TPR: variants seen among roughly 807,000 people sequenced by gnomAD.
TPR encodes translocated promoter region, nuclear basket protein.
Under a neutral mutation model 316.1 loss-of-function variants are expected in TPR, and 51 were observed. That is an observed-to-expected ratio of 0.16 (90% CI 0.13 to 0.20). TPR has a LOEUF of 0.20. Among genes scored for constraint, TPR ranks in the 10% least tolerant of loss-of-function variants. The pLI, the probability that TPR is intolerant of heterozygous loss-of-function variation, is 1.00. For synonymous variants in TPR, 981 were observed against 914.7 expected (o/e 1.07, Z -1.31); for missense variants, 2,272 against 2,754.8 (o/e 0.82, Z 3.92).
At chr1:186,346,666 T>A (rs950448088) in intron 22 of TPR, among the ~76,000 whole-genome samples, 28 of 152,162 alleles carry the variant, frequency 1.8e-4, no homozygotes, top group African/African-American at 6.8e-4. Context: ...ATTGAAGCCC[T>A]AGACTATTGC....
rs1219374676 is a variant in TPR at position 186,361,629 on chromosome 1, A to T, written c.951T>A (p.Ala317=). ...VEELHKLLKE[A]GEANKAIQDH... ...ATAACTGAAAACACTTACCTTCACC[A>T]GCTTCTTTCAAAAGTTTGTGTAGTT... is the stretch of plus-strand genomic sequence containing the variant. Residue 317 remains alanine, a synonymous_variant, in exon 9 of 51, where the codon GCT becomes GCA. Coordinates refer to ENST00000367478, the MANE Select transcript of TPR (RefSeq NM_003292.3). The T allele has an allele frequency of 1.2e-6, 2 of 1,613,164 alleles. No individual in the cohort carries two copies.
intron 39 of TPR, among the ~76,000 whole-genome samples, chr1:186,330,567 T>TC (rs1281932633): frequency 1.3e-5 from 2 of 152,070 alleles, no homozygotes; most frequent in African/African-American, 4.8e-5. Context: ...TATGCTCAGT[T>TC]CCCCTCATAA....
At position 186,312,650 on chromosome 1, in the gene TPR, C is replaced by A. The variant is rs1657353109; in HGVS notation, c.*1321G>T. The A allele has an allele frequency of 1.8e-6, 2 of 1,103,068 alleles. No individual in the cohort carries two copies. The highest frequency in any genetic ancestry group is 2.4e-5 in the East Asian group (1 of 42,084). The allele number at this position is 1,103,068 out of a possible 1,614,324, so 68.3% of individuals were successfully genotyped here. On this transcript the variant is annotated 3_prime_UTR_variant, in exon 51 of 51. Transcript: ENST00000367478. ...AAGAACATTATATACCAGTCTATAA[C>A]CCTCAATAGTTCTACATCAGAGGGC...
intron 48 of TPR, 60 bp from the exon 49 acceptor site, chr1:186,317,660 T>C: frequency 6.9e-7 from 1 of 1,454,750 alleles, no homozygotes; most frequent in Non-Finnish European, 9.5e-7. Flanking sequence ...ATAAATTATA[T>C]CCACTCTTTT....
chr1:186,321,930 T>C (rs1332874601), intron 45 of TPR, among the ~76,000 whole-genome samples: 1 of 152,218 alleles, frequency 6.6e-6, no homozygotes, highest in Non-Finnish European at 1.5e-5. Flanking sequence ...ACTTAATTCT[T>C]ATAACTTATG....
intron 47 of TPR, 33 bp from the exon 48 acceptor site, chr1:186,318,636 A>T: frequency 2.5e-6 from 4 of 1,604,078 alleles, no homozygotes; most frequent in Non-Finnish European, 3.4e-6. Context: ...AAAGAACTTT[A>T]AAACTTTGTG....
intron 15 of TPR, 75 bp downstream of exon 15, chr1:186,356,211 T>C: frequency 3.8e-6 from 5 of 1,333,278 alleles, no homozygotes; most frequent in Admixed American, 2.5e-5. Flanking sequence ...AGAGTGGCTA[T>C]TGCTTATGTT....
At chr1:186,318,108 C>T (rs1657662502) in intron 48 of TPR, among the ~76,000 whole-genome samples, 1 of 152,068 alleles carries the variant, frequency 6.6e-6, no homozygotes, top group East Asian at 1.9e-4. Flanking sequence ...ATGAGGGAGA[C>T]AGTACAAGAA....
chr1:186,357,367 C>T (rs1659060490), intron 14 of TPR, 30 bp downstream of exon 14: 1 of 1,604,786 alleles, frequency 6.2e-7, no homozygotes, highest in African/African-American at 1.3e-5. Context: ...TAAATGTTTG[C>T]TCAACAAGCT....
At chr1:186,331,847 T>A (rs1438899360) in intron 38 of TPR, among the ~76,000 whole-genome samples, 1 of 152,078 alleles carries the variant, frequency 6.6e-6, no homozygotes, top group Non-Finnish European at 1.5e-5. Flanking sequence ...CAATTTAATC[T>A]TAACCACAAA....
intron 39 of TPR, among the ~76,000 whole-genome samples, chr1:186,328,742 C>T (rs1207872074): frequency 6.6e-6 from 1 of 152,166 alleles, no homozygotes; most frequent in Non-Finnish European, 1.5e-5. Context: ...TCCAATTATT[C>T]CAAGCCTTCA....
At chr1:186,370,920 C>T in intron 3 of TPR, 50 bp downstream of exon 3, 1 of 1,464,934 alleles carries the variant, frequency 6.8e-7, no homozygotes, top group Non-Finnish European at 9.5e-7. Context: ...ATAGAATGTC[C>T]CTTCAAGTAA....
At chr1:186,347,262 AT>A (rs1403160308) in intron 22 of TPR, 29 bp downstream of exon 22, 1 of 1,606,886 alleles carries the variant, frequency 6.2e-7, no homozygotes, top group Non-Finnish European at 8.5e-7. Flanking sequence ...ATGTGTTGAG[AT>A]TGAATTCTGA....
In TPR at chr1:186,341,331, T is replaced by C. The variant is rs759908959; in HGVS notation, c.3809A>G (p.Asn1270Ser). The C allele has an allele frequency of 6.2e-7, 1 of 1,613,818 alleles. No individual in the cohort carries two copies. Among genetic ancestry groups the C allele is most frequent in the African/African-American group, 1.3e-5 (1 of 74,924 alleles). Residue 1270 changes from asparagine to serine, a missense_variant, in exon 28 of 51, where the codon AAT becomes AGT. Asn to Ser is a conservative substitution (Grantham distance 46). This residue lies in a region of TPR where 757 missense variants were observed against 859.8 expected (regional missense o/e 0.88). Coordinates refer to ENST00000367478, the MANE Select transcript of TPR (RefSeq NM_003292.3). ...EELMKKTETM[N>S]VVMETNKMLR... ...CATTTTATTGGTCTCCATAACTACA[T>C]TCATTGTTTCAGTTTTCTTCATCAG...
intron 7 of TPR, 51 bp downstream of exon 7, chr1:186,362,237 C>T (rs753524247): frequency 1.4e-5 from 21 of 1,448,788 alleles, no homozygotes; most frequent in Middle Eastern, 2.1e-4. Context: ...ATAACAGCTT[C>T]GTAAGTGCTT....
In TPR at chr1:186,344,025, A is replaced by T; in HGVS notation, c.3483T>A (p.Asp1161Glu). 6.2e-7 allele frequency: 1 copy of T among 1,614,168 alleles called. No individual in the cohort carries two copies. The highest frequency in any genetic ancestry group is 8.5e-7 in the Non-Finnish European group (1 of 1,180,028). ...CCTTGTCACTTAATTTTTCGATCTGATCATGAAGTAATCTGTTTTGTTTCT... is the reference window on the plus strand; with the variant it reads ...CCTTGTCACTTAATTTTTCGATCTGTTCATGAAGTAATCTGTTTTGTTTCT... ...DLEKQNRLLH[D>E]QIEKLSDKVV... The change falls in exon 26 of 51, where the codon GAT becomes GAA. Residue 1161 changes from aspartate (D) to glutamate (E), a missense_variant. By Grantham distance (45) the Asp-to-Glu change is conservative. Around this residue, in one of 10 missense-constraint regions of TPR, gnomAD observed 757 missense variants for 859.8 expected, o/e 0.88. Coordinates refer to ENST00000367478, the MANE Select transcript of TPR (RefSeq NM_003292.3).
In TPR at chr1:186,333,220, A is replaced by C; in HGVS notation, c.5357T>G (p.Ile1786Ser). The C allele has an allele frequency of 6.2e-7, 1 of 1,613,674 alleles. No homozygotes were observed. The highest frequency in any genetic ancestry group is 1.3e-5 in the African/African-American group (1 of 75,008). Residue 1786 changes from isoleucine to serine, a missense_variant, in exon 37 of 51, where the codon ATT becomes AGT. Coordinates refer to ENST00000367478, the MANE Select transcript of TPR (RefSeq NM_003292.3). ...AGATAACTCTTGATTGGCAGGCTCAATCTGAGGATGACTCTGTTGAGTGGG... is the reference window on the plus strand; with the variant it reads ...AGATAACTCTTGATTGGCAGGCTCACTCTGAGGATGACTCTGTTGAGTGGG... ...VQPTQQSHPQ[I>S]EPANQELSSN...
intron 6 of TPR, 114 bp downstream of exon 6, chr1:186,362,723 A>T: frequency 1.1e-6 from 1 of 928,394 alleles, no homozygotes; most frequent in Non-Finnish European, 1.6e-6. Context: ...ATTCACATTT[A>T]ACCACTCATC....
intron 21 of TPR, among the ~76,000 whole-genome samples, chr1:186,347,806 G>C (rs1168953248): frequency 6.6e-6 from 1 of 152,176 alleles, no homozygotes; most frequent in African/African-American, 2.4e-5. Flanking sequence ...CGAATGGAGG[G>C]AGCAGCTGGA....
Sources: gnomAD v4.1 joint callset for allele counts (sites outside exome capture counted in the v4.1 genomes callset) on GRCh38, gnomAD v4.1.1 for gene constraint, gnomAD v4.1.1 regional missense constraint, MANE v1.5 for transcripts, NCBI Gene and HGNC (gene_info 2026-07-23, HGNC 2026-07-21) for gene names.